GABRG3: variants seen among roughly 807,000 people sequenced by gnomAD.
The protein encoded by GABRG3 is gamma-aminobutyric acid receptor subunit gamma-3.
GABRG3 carries 25 observed loss-of-function variants against 48.8 expected under a neutral mutation model. The observed-to-expected ratio is 0.51, with a 90% CI of 0.37 to 0.72. The LOEUF (loss-of-function observed/expected upper bound fraction) is 0.72. Among genes scored for constraint, GABRG3 ranks in the 30% least tolerant of loss-of-function variants. The pLI is 0.00. For synonymous variants in GABRG3, 227 were observed against 217.6 expected (o/e 1.04, Z -0.38); for missense variants, 394 against 577.9 (o/e 0.68, Z 3.26).
intron 5 of GABRG3, among the ~76,000 whole-genome samples, chr15:27,393,338 C>T (rs36095921): frequency 0.46 from 66,089 of 143,562 alleles, 16,157 homozygotes; most frequent in East Asian, 0.99. Context: ...AGCGAGACTC[C>T]GTCTCCAAAA....
intron 3 of GABRG3, among the ~76,000 whole-genome samples, chr15:27,237,681 A>G (rs1890015678): frequency 6.6e-6 from 1 of 152,248 alleles, no homozygotes; most frequent in African/African-American, 2.4e-5. Flanking sequence ...GCAACAGTGC[A>G]TGGTTTCAAA....
chr15:27,146,112 A>G (rs1898204646), intron 3 of GABRG3, among the ~76,000 whole-genome samples: 2 of 152,138 alleles, frequency 1.3e-5, no homozygotes, highest in Admixed American at 6.5e-5. Context: ...CTAAAGAGGG[A>G]CTATAGGACT....
intron 3 of GABRG3, among the ~76,000 whole-genome samples, chr15:27,274,801 T>C (rs552779292): frequency 1.7e-3 from 252 of 152,318 alleles, no homozygotes; most frequent in African/African-American, 5.6e-3. Context: ...AAACAATTAT[T>C]ATATCATCCT....
intron 5 of GABRG3, among the ~76,000 whole-genome samples, chr15:27,442,668 C>T (rs141323237): frequency 0.011 from 1,744 of 152,284 alleles, 31 homozygotes; most frequent in African/African-American, 0.04. Flanking sequence ...CATATTCTGC[C>T]GTGTCTTCTA....
intron 3 of GABRG3, among the ~76,000 whole-genome samples, chr15:27,098,172 G>T (rs1356875694): frequency 6.6e-6 from 1 of 152,010 alleles, no homozygotes. Flanking sequence ...GGTGGCTCAC[G>T]TCTGTAATCC....
intron 3 of GABRG3, among the ~76,000 whole-genome samples, chr15:27,098,148 T>C (rs548106024): frequency 6.4e-4 from 97 of 152,130 alleles, no homozygotes; most frequent in Non-Finnish European, 1.2e-3. Flanking sequence ...AAATACTGAA[T>C]GTTGGCCAGG....
chr15:27,439,784 C>T (rs1888727656), intron 5 of GABRG3, among the ~76,000 whole-genome samples: 1 of 152,226 alleles, frequency 6.6e-6, no homozygotes, highest in Admixed American at 6.5e-5. Context: ...AATTTGGGAT[C>T]TCCCAACTCT....
At chr15:27,248,816 A>AGC (rs1595611773) in intron 3 of GABRG3, among the ~76,000 whole-genome samples, 1 of 139,118 alleles carries the variant, frequency 7.2e-6, no homozygotes, top group East Asian at 2.0e-4. Flanking sequence ...AGAGAGAGAG[A>AGC]GAGAGAGAGA....
intron 5 of GABRG3, among the ~76,000 whole-genome samples, chr15:27,427,583 A>G (rs573503786): frequency 2.0e-4 from 30 of 152,352 alleles, no homozygotes; most frequent in African/African-American, 6.3e-4. Flanking sequence ...TATCATTACT[A>G]GGCATGTGGC....
At chr15:27,473,448 A>T (rs959033800) in intron 5 of GABRG3, among the ~76,000 whole-genome samples, 8 of 152,334 alleles carry the variant, frequency 5.3e-5, no homozygotes, top group Middle Eastern at 6.8e-3. Context: ...AATGTGTTAG[A>T]AGGTAGTTAG....
intron 5 of GABRG3, among the ~76,000 whole-genome samples, chr15:27,459,757 C>T (rs545146021): frequency 6.6e-6 from 1 of 152,316 alleles, no homozygotes; most frequent in South Asian, 2.1e-4. Context: ...TGTGCACACA[C>T]ACCCACACTT....
rs1389502249 is a variant in GABRG3 at position 26,993,009 on chromosome 15, C to T, written c.202+15859C>T. 3.3e-5 allele frequency among the ~76,000 whole-genome samples: 5 copies of T among 152,124 alleles called. No homozygotes were observed. The East Asian group carries it at 9.7e-4, about 29-fold the overall frequency. ...TCAAATTTATTCACATATAGTTGAT[C>T]ATAGCAGCCACTAATGATCCTTTAA... On this transcript the variant is annotated intron_variant, in intron 2 of 9. Coordinates refer to ENST00000615808, the MANE Select transcript of GABRG3 (RefSeq NM_033223.5).
intron 5 of GABRG3, among the ~76,000 whole-genome samples, chr15:27,368,389 AT>A (rs935510769): frequency 6.6e-6 from 1 of 152,212 alleles, no homozygotes; most frequent in African/African-American, 2.4e-5. Context: ...GAAGGTCTAG[AT>A]ATGAGGAATA....
intron 6 of GABRG3, among the ~76,000 whole-genome samples, chr15:27,516,348 G>T (rs988234118): frequency 6.6e-6 from 1 of 152,176 alleles, no homozygotes; most frequent in Non-Finnish European, 1.5e-5. Context: ...GTCATTAAAT[G>T]ATACGACAAA....
At chr15:27,193,039 T>C (rs935289484) in intron 3 of GABRG3, among the ~76,000 whole-genome samples, 4 of 152,196 alleles carry the variant, frequency 2.6e-5, no homozygotes, top group Admixed American at 2.6e-4. Context: ...TGGTTTTTCG[T>C]GAACCGCGAA....
chr15:27,216,733 CT>C (rs200517386), intron 3 of GABRG3, among the ~76,000 whole-genome samples: 1,248 of 103,730 alleles, frequency 0.012, 16 homozygotes, highest in East Asian at 0.037. Context: ...CAATTCATTT[CT>C]TTTTTTTTTT....
In GABRG3 at chr15:27,055,013, T is replaced by TG. The variant is rs1487487338; in HGVS notation, c.270+28192_270+28193insG. 6.6e-5 allele frequency among the ~76,000 whole-genome samples: 10 copies of TG among 151,436 alleles called. No individual in the cohort carries two copies. In the East Asian group the frequency reaches 7.8e-4, roughly 12 times the overall value. Reference sequence around the variant, plus strand: ...GCCCAAGGGCCAAGACCTGTTTTTTTTTTTTTTTTTTTTTAAATGACTTGT... The same window carrying TG: ...GCCCAAGGGCCAAGACCTGTTTTTTTGTTTTTTTTTTTTTTAAATGACTTGT... On this transcript the variant is annotated intron_variant, in intron 3 of 9. Transcript: ENST00000615808.
chr15:27,020,206 G>T (rs1368123645), intron 2 of GABRG3, among the ~76,000 whole-genome samples: 2 of 152,130 alleles, frequency 1.3e-5, no homozygotes, highest in African/African-American at 4.8e-5. Context: ...CACCCTCCAT[G>T]GGCATGTCCC....
chr15:27,430,347 T>A (rs531293396), intron 5 of GABRG3, among the ~76,000 whole-genome samples: 17 of 152,342 alleles, frequency 1.1e-4, no homozygotes, highest in African/African-American at 4.1e-4. Flanking sequence ...GTATTCTGTG[T>A]GTTGACTTTC....
Sources: allele counts gnomAD v4.1 joint callset (sites outside exome capture counted in the v4.1 genomes callset), GRCh38; gene constraint gnomAD v4.1.1; transcripts MANE v1.5; gene names NCBI Gene and HGNC (gene_info 2026-07-23, HGNC 2026-07-21).